Variants in AGBL4 observed in about 807,000 individuals in gnomAD.
The protein encoded by AGBL4 is AGBL carboxypeptidase 4, also known as cytosolic carboxypeptidase 6.
A neutral mutation model predicts 66.4 loss-of-function variants in AGBL4; 58 were observed. That is an observed-to-expected ratio of 0.87 (90% CI 0.71 to 1.09). The LOEUF (loss-of-function observed/expected upper bound fraction) is 1.09, where lower values mean the gene tolerates loss of function less well. Among genes scored for constraint, AGBL4 ranks in the 50% least tolerant of loss-of-function variants. The probability of loss-of-function intolerance (pLI) is 0.00; values close to 1 mark genes in which losing one functional copy is unlikely to be tolerated. For synonymous variants in AGBL4, 234 were observed against 222.9 expected, an observed-to-expected ratio of 1.05 and a Z score of -0.44; for missense variants, 579 against 631.0, an observed-to-expected ratio of 0.92 and a Z score of 0.88.
chr1:49,111,332 T>C (rs1392090343), intron 4 of AGBL4, among the ~76,000 whole-genome samples: 3 of 152,216 alleles, frequency 2.0e-5, no homozygotes, highest in East Asian at 1.9e-4. Context: ...CAGGATGGTC[T>C]CAATCTCCTG....
chr1:49,852,361 A>G (rs1446849832), intron 1 of AGBL4, among the ~76,000 whole-genome samples: 1 of 152,154 alleles, frequency 6.6e-6, no homozygotes, highest in Non-Finnish European at 1.5e-5. Flanking sequence ...AATATTATTA[A>G]ACATCAAATA....
chr1:49,820,745 C>G (rs1326967656), intron 2 of AGBL4, among the ~76,000 whole-genome samples: 2 of 152,020 alleles, frequency 1.3e-5, no homozygotes, highest in African/African-American at 2.4e-5. Context: ...AATAATGAGC[C>G]AGGAAATAAA....
chr1:48,762,708 C>CTTCT (rs1210260382), intron 6 of AGBL4, among the ~76,000 whole-genome samples: 8 of 151,614 alleles, frequency 5.3e-5, no homozygotes, highest in Middle Eastern at 3.4e-3. Flanking sequence ...CCAGGCCAGG[C>CTTCT]TTCTCTCCTA....
intron 2 of AGBL4, among the ~76,000 whole-genome samples, chr1:49,763,516 G>A (rs1652496845): frequency 6.6e-6 from 1 of 152,194 alleles, no homozygotes; most frequent in African/African-American, 2.4e-5. Context: ...ATTACATTGG[G>A]ATTCACTAAG....
intron 6 of AGBL4, among the ~76,000 whole-genome samples, chr1:48,755,955 G>A (rs984948006): frequency 2.0e-5 from 3 of 152,190 alleles, no homozygotes; most frequent in African/African-American, 7.2e-5. Flanking sequence ...AGAGAAGTTA[G>A]TTAACCTGCC....
rs551452671 is a variant in AGBL4, at chr1:49,487,556, C to G, written c.282+209757G>C. Among the ~76,000 whole-genome samples the G allele has an allele frequency of 3.4e-3, 511 of 152,002 alleles. 7 individuals are homozygous for G. The highest frequency in any genetic ancestry group is 6.2e-3 in the Non-Finnish European group (420 of 67,922). On this transcript the variant is annotated intron_variant, in intron 3 of 13. Transcript: ENST00000371839. Reference sequence around the variant, plus strand: ...GTGTCTGGCATTTCCCCTGCTTGCTCTCACTCCGTCCTGCTGCCCTGTGAA... The same window carrying G: ...GTGTCTGGCATTTCCCCTGCTTGCTGTCACTCCGTCCTGCTGCCCTGTGAA...
chr1:49,124,622 T>C (rs1490620812), intron 4 of AGBL4, among the ~76,000 whole-genome samples: 1 of 152,210 alleles, frequency 6.6e-6, no homozygotes, highest in Non-Finnish European at 1.5e-5. Context: ...CAAGTCACCC[T>C]TCTGAAACTA....
intron 2 of AGBL4, among the ~76,000 whole-genome samples, chr1:49,747,564 A>G (rs1651084887): frequency 1.3e-5 from 2 of 152,170 alleles, no homozygotes; most frequent in African/African-American, 4.8e-5. Context: ...CTAACCCAAA[A>G]TGATCAACTG....
rs561265336 is a variant in AGBL4, at chr1:49,272,061, A to G, written c.283-26197T>C. Among the ~76,000 whole-genome samples, 77 of 152,336 alleles carry G rather than the reference A, an allele frequency of 5.1e-4. 1 individual carries two copies. Among genetic ancestry groups the G allele is most frequent in the African/African-American group, 1.7e-3 (69 of 41,584 alleles). Reference sequence around the variant, plus strand: ...TGAATGTTATTTGTTACATTGTCACACTAATGTTATTACTACAGGAGGCCA... The same window carrying G: ...TGAATGTTATTTGTTACATTGTCACGCTAATGTTATTACTACAGGAGGCCA... On this transcript the variant is annotated intron_variant, in intron 3 of 13. Coordinates refer to ENST00000371839, the MANE Select transcript of AGBL4 (RefSeq NM_032785.4).
intron 1 of AGBL4, among the ~76,000 whole-genome samples, chr1:49,886,847 T>C (rs980000959): frequency 6.6e-6 from 1 of 152,180 alleles, no homozygotes; most frequent in Non-Finnish European, 1.5e-5. Flanking sequence ...TTTTAATTTA[T>C]ATGCTAAAAA....
chr1:49,928,243 T>C (rs950333305), intron 1 of AGBL4, among the ~76,000 whole-genome samples: 16 of 151,938 alleles, frequency 1.1e-4, no homozygotes, highest in African/African-American at 3.6e-4. Context: ...TTTTTATTTT[T>C]TATTTTTATT....
At chr1:49,659,674 C>T (rs1221371416) in intron 3 of AGBL4, among the ~76,000 whole-genome samples, 1 of 152,164 alleles carries the variant, frequency 6.6e-6, no homozygotes, top group South Asian at 2.1e-4. Flanking sequence ...GACTCACGCA[C>T]AACAATGCAC....
At chr1:48,966,614 A>C (rs1195944369) in intron 5 of AGBL4, among the ~76,000 whole-genome samples, 2 of 152,128 alleles carry the variant, frequency 1.3e-5, no homozygotes, top group South Asian at 2.1e-4. Flanking sequence ...ATGATGAAAA[A>C]ACTCTAATGC....
chr1:49,753,421 T>G (rs1465589463), intron 2 of AGBL4, among the ~76,000 whole-genome samples: 1 of 152,180 alleles, frequency 6.6e-6, no homozygotes. Flanking sequence ...ACTTACAGGG[T>G]TTCTGCAGAG....
chr1:49,196,273 T>C (rs1169628963), intron 4 of AGBL4, among the ~76,000 whole-genome samples: 1 of 152,214 alleles, frequency 6.6e-6, no homozygotes, highest in African/African-American at 2.4e-5. Flanking sequence ...AAAAAACCTG[T>C]CTTCAAGTTG....
chr1:49,416,115 C>G (rs981699351), intron 3 of AGBL4, among the ~76,000 whole-genome samples: 1 of 151,940 alleles, frequency 6.6e-6, no homozygotes, highest in Non-Finnish European at 1.5e-5. Flanking sequence ...GTTAAGGACA[C>G]AAAAATGGTT....
At chr1:48,854,011 C>G (rs1379845384) in intron 6 of AGBL4, among the ~76,000 whole-genome samples, 3 of 152,192 alleles carry the variant, frequency 2.0e-5, no homozygotes, top group Admixed American at 1.3e-4. Flanking sequence ...TTCATAGCCT[C>G]TAACATGCAT....
chr1:49,025,957 T>G (rs373202744), intron 5 of AGBL4, among the ~76,000 whole-genome samples: 1 of 152,200 alleles, frequency 6.6e-6, no homozygotes, highest in South Asian at 2.1e-4. Flanking sequence ...AAGCATTTTT[T>G]ACATGTAATA....
chr1:49,072,758 C>T (rs1644633642), intron 4 of AGBL4, among the ~76,000 whole-genome samples: 1 of 152,072 alleles, frequency 6.6e-6, no homozygotes, highest in Admixed American at 6.6e-5. Flanking sequence ...TTGTGGTGTT[C>T]TCTCTATTTC....
Sources: gnomAD v4.1 joint callset for allele counts (sites outside exome capture counted in the v4.1 genomes callset) on GRCh38, gnomAD v4.1.1 for gene constraint, MANE v1.5 for transcripts, NCBI Gene and HGNC (gene_info 2026-07-23, HGNC 2026-07-21) for gene names.